Variants in CD247 observed in about 807,000 individuals in gnomAD.
CD247 encodes CD247 molecule, also known as T-cell surface glycoprotein CD3 zeta chain.
CD247 carries 13 observed loss-of-function variants against 30.0 expected under a neutral mutation model. The ratio of observed to expected loss-of-function variants is 0.43; its 90% CI spans 0.28 to 0.69. The LOEUF (loss-of-function observed/expected upper bound fraction) is 0.69. CD247 is among the 30% of genes least tolerant of loss of function. The pLI is 0.16. For missense variants in CD247, 193 were observed against 212.6 expected, an observed-to-expected ratio of 0.91 and a Z score of 0.57; for synonymous variants, 72 against 80.0, an observed-to-expected ratio of 0.90 and a Z score of 0.53.
At chr1:167,460,801 C>T (rs1403687889) in intron 1 of CD247, among the ~76,000 whole-genome samples, 1 of 152,142 alleles carries the variant, frequency 6.6e-6, no homozygotes, top group African/African-American at 2.4e-5. Flanking sequence ...CATGTGTTCT[C>T]ATTGTTCAAC....
In CD247 at chr1:167,439,277, G is replaced by C. The variant is rs1651696709; in HGVS notation, c.219+67C>G. 8 of 1,417,268 alleles carry C rather than the reference G, an allele frequency of 5.6e-6. No individual in the cohort carries two copies. In the South Asian group the frequency reaches 9.2e-5, roughly 16 times the overall value. The allele number at this position is 1,417,268 out of a possible 1,614,324, so 87.8% of individuals were successfully genotyped here. ...ACCTAAACCCAAGACTCTGGCGGGC[G>C]CGTTCCCTAGGTCCGAGGAGGAGGC... On this transcript the variant is annotated intron_variant, in intron 3 of 7. Transcript: ENST00000362089.
chr1:167,474,073 C>T (rs1307800291), intron 1 of CD247, among the ~76,000 whole-genome samples: 1 of 152,124 alleles, frequency 6.6e-6, no homozygotes, highest in Non-Finnish European at 1.5e-5. Flanking sequence ...CCGTGTGAAC[C>T]AGAGATACCC....
chr1:167,506,241 TTTTCC>T lies in CD247; in HGVS notation c.58+12162_58+12166del, dbSNP rs1655111647. Among the ~76,000 whole-genome samples, 3 of 27,290 alleles carry T rather than the reference TTTTCC, an allele frequency of 1.1e-4. No homozygotes were observed. In the East Asian group the frequency reaches 3.3e-3, roughly 30 times the overall value. The allele number at this position is 27,290 out of a possible 152,430, so 17.9% of individuals were successfully genotyped here. A position where few individuals can be genotyped will look rare whatever the true frequency, so the allele number is the denominator to read the frequency against. On this transcript the variant is annotated intron_variant, in intron 1 of 7. Transcript: ENST00000362089. ...TTCTTTTTTCTTTTCTTTTCTTTTC[TTTTCC>T]TTTTCTTTTCTTTTCTTTTCTTTTC... is the stretch of plus-strand genomic sequence containing the variant.
At chr1:167,461,567 C>T (rs889902938) in intron 1 of CD247, among the ~76,000 whole-genome samples, 6 of 152,114 alleles carry the variant, frequency 3.9e-5, no homozygotes, top group African/African-American at 7.2e-5. Flanking sequence ...AGAAAATAGT[C>T]GGCCGGGCGT....
intron 1 of CD247, among the ~76,000 whole-genome samples, chr1:167,441,154 T>C (rs2280635): frequency 0.13 from 19,179 of 152,226 alleles, 1,616 homozygotes; most frequent in African/African-American, 0.23. Context: ...TCTGGATGAA[T>C]GGTACTCCTG....
At position 167,452,411 on chromosome 1, in the gene CD247, CA is replaced by C. The variant is rs34079142; in HGVS notation, c.59-11645del. ...CCTGGGCGAGGGAGCAAGACTCTAT[CA>C]AAAAAAAAAAAAAAAAAGATGAGAT... On this transcript the variant is annotated intron_variant, in intron 1 of 7. Coordinates refer to ENST00000362089, the MANE Select transcript of CD247 (RefSeq NM_198053.3). 3.7e-3 allele frequency among the ~76,000 whole-genome samples: 385 copies of C among 104,646 alleles called. 2 individuals carry two copies. The highest frequency in any genetic ancestry group is 6.7e-3 in the Admixed American group (71 of 10,664). The allele number at this position is 104,646 out of a possible 152,430, so 68.7% of individuals were successfully genotyped here.
In CD247 at chr1:167,494,490, A is replaced by C. The variant is rs922738688; in HGVS notation, c.58+23918T>G. ...CTGGGCTGCAGTTTTCCCATCTGTG[A>C]TATGGGGATAATGTCCTCACCCTGT... On this transcript the variant is annotated intron_variant, in intron 1 of 7. Transcript: ENST00000362089. This position sits in a 1 kb window ranked among gnomAD's most constrained non-coding sequence, Gnocchi z 7.3. Among the ~76,000 whole-genome samples the C allele has an allele frequency of 7.9e-5, 12 of 152,184 alleles. No homozygotes were observed. In the East Asian group the frequency reaches 2.3e-3, roughly 29 times the overall value.
chr1:167,463,420 C>T (rs1377647859), intron 1 of CD247, among the ~76,000 whole-genome samples: 1 of 152,196 alleles, frequency 6.6e-6, no homozygotes, highest in Non-Finnish European at 1.5e-5. Flanking sequence ...TATCTGGAAG[C>T]AGAGACCTGA....
At chr1:167,438,250 C>T (rs1302859806) in intron 4 of CD247, among the ~76,000 whole-genome samples, 1 of 152,214 alleles carries the variant, frequency 6.6e-6, no homozygotes, top group Non-Finnish European at 1.5e-5. Context: ...TTCACCAGGT[C>T]TGTCCTCTTG....
At chr1:167,499,868 G>A (rs547879691) in intron 1 of CD247, among the ~76,000 whole-genome samples, 12 of 152,270 alleles carry the variant, frequency 7.9e-5, no homozygotes, top group African/African-American at 2.4e-4. Flanking sequence ...AGTAACAGAG[G>A]CCATACCCAC....
At chr1:167,444,105 GTT>G (rs1238414629) in intron 1 of CD247, among the ~76,000 whole-genome samples, 4 of 152,228 alleles carry the variant, frequency 2.6e-5, no homozygotes. Flanking sequence ...CTGGGCCTCA[GTT>G]ACCTCATCTA....
At chr1:167,504,190 T>C (rs1655024133) in intron 1 of CD247, among the ~76,000 whole-genome samples, 1 of 152,090 alleles carries the variant, frequency 6.6e-6, no homozygotes, top group Non-Finnish European at 1.5e-5. Context: ...ACCTATCAAG[T>C]GGGGACATCA....
chr1:167,495,525 T>A (rs1347346007), intron 1 of CD247, among the ~76,000 whole-genome samples: 1 of 152,044 alleles, frequency 6.6e-6, no homozygotes, highest in African/African-American at 2.4e-5. Context: ...CTGCCCTTAT[T>A]CCCCCTCAGC....
At chr1:167,470,504 T>TAAAAAAAAAA (rs55679205) in intron 1 of CD247, among the ~76,000 whole-genome samples, 8 of 122,476 alleles carry the variant, frequency 6.5e-5, no homozygotes, top group East Asian at 2.6e-4. Context: ...ATGTTAATTG[T>TAAAAAAAAAA]AAAAAAAAAA....
At chr1:167,496,959 G>A (rs926079840) in intron 1 of CD247, among the ~76,000 whole-genome samples, 1 of 152,130 alleles carries the variant, frequency 6.6e-6, no homozygotes, top group Non-Finnish European at 1.5e-5. Flanking sequence ...AGTGAGGGGA[G>A]ACCTAGCAAC....
chr1:167,469,624 C>A (rs1319640386), intron 1 of CD247, among the ~76,000 whole-genome samples: 1 of 152,042 alleles, frequency 6.6e-6, no homozygotes, highest in African/African-American at 2.4e-5. Context: ...CCCCTCCTCA[C>A]CCCTTTTTTT....
chr1:167,504,767 A>T (rs191497051), intron 1 of CD247, among the ~76,000 whole-genome samples: 1 of 152,344 alleles, frequency 6.6e-6, no homozygotes, highest in East Asian at 1.9e-4. Flanking sequence ...TGGGAATCTC[A>T]GTTAGAATGG....
intron 4 of CD247, 51 bp downstream of exon 4, chr1:167,438,519 T>TGA (rs1378200373): frequency 7.0e-7 from 1 of 1,435,056 alleles, no homozygotes; most frequent in South Asian, 1.1e-5. Context: ...CAGCCTGGGC[T>TGA]GAGCCCCACC....
chr1:167,432,516 C>T (rs1651319910), intron 7 of CD247, among the ~76,000 whole-genome samples: 2 of 152,228 alleles, frequency 1.3e-5, no homozygotes, highest in Admixed American at 6.5e-5. Context: ...AGTAGTTTGA[C>T]CGTGCTTAGT....
Sources: allele counts gnomAD v4.1 joint callset (sites outside exome capture counted in the v4.1 genomes callset), GRCh38; gene constraint gnomAD v4.1.1; non-coding constraint Gnocchi (gnomAD v3.1); transcripts MANE v1.5; gene names NCBI Gene and HGNC (gene_info 2026-07-23, HGNC 2026-07-21).